The following KIR2DL1 variants were observed in gnomAD, a reference collection of about 807,000 sequenced individuals.
KIR2DL1 encodes the protein killer cell immunoglobulin like receptor, two Ig domains and long cytoplasmic tail 1.
A neutral mutation model predicts 33.9 loss-of-function variants in KIR2DL1; 38 were observed. The ratio of observed to expected loss-of-function variants is 1.12; its 90% CI spans 0.86 to 1.47. The LOEUF (loss-of-function observed/expected upper bound fraction) is 1.47. Ranked by LOEUF, KIR2DL1 falls within the 40% of genes most tolerant of loss-of-function variation. KIR2DL1 has a pLI of 0.00. For synonymous variants in KIR2DL1, 179 were observed against 165.9 expected, an observed-to-expected ratio of 1.08 and a Z score of -0.61; for missense variants, 531 against 433.9, an observed-to-expected ratio of 1.22 and a Z score of -1.99.
chr19:54,783,597 T>C lies in KIR2DL1; in HGVS notation c.871-40T>C, dbSNP rs202076408. On this transcript the variant is annotated intron_variant, in intron 7 of 7. Coordinates refer to ENST00000336077, the MANE Select transcript of KIR2DL1 (RefSeq NM_014218.3). The stretch of plus-strand genomic sequence containing the variant: ...GTTATTCCCAAAGAGTCCTGGAAAA[T>C]GTGAGCACCCTCCCTCACTCAGCAT... 4.2e-5 allele frequency: 67 copies of C among 1,613,600 alleles called. No individual in the cohort carries two copies. In the South Asian group the frequency reaches 4.3e-4, roughly 10 times the overall value.
chr19:54,778,955 T>C (rs2076663021), intron 5 of KIR2DL1, among the ~76,000 whole-genome samples: 4 of 146,770 alleles, frequency 2.7e-5, no homozygotes, highest in Admixed American at 1.4e-4. Flanking sequence ...CATTCCTAAC[T>C]GGAGGATAAA....
chr19:54,776,611 T>C (rs2076371565), intron 4 of KIR2DL1, among the ~76,000 whole-genome samples: 2 of 143,866 alleles, frequency 1.4e-5, no homozygotes, highest in East Asian at 2.0e-4. Context: ...AGTAGTGAAA[T>C]TGCTGGATAC....
rs548865454 is a variant in KIR2DL1, at chr19:54,772,470, G to T, written c.71-863G>T. On this transcript the variant is annotated intron_variant, in intron 2 of 7. Coordinates refer to ENST00000336077, the MANE Select transcript of KIR2DL1 (RefSeq NM_014218.3). ...AGGGGTTAGTGTGCTCTCTCCTGGT[G>T]CCATGCTTCTGATAATTTTCTACAG... 1.2e-3 allele frequency among the ~76,000 whole-genome samples: 172 copies of T among 145,586 alleles called. 15 individuals carry two copies. The highest frequency in any genetic ancestry group is 2.2e-3 in the Non-Finnish European group (141 of 65,394).
chr19:54,770,860 C>G lies in KIR2DL1; in HGVS notation c.46C>G (p.Leu16Val), dbSNP rs1429451113. 1 of 1,584,580 alleles carries G rather than the reference C, an allele frequency of 6.3e-7. No homozygotes were observed. The highest frequency in any genetic ancestry group is 1.1e-5 in the South Asian group (1 of 90,188). Residue 16 changes from leucine (L) to valine (V), a missense_variant, in exon 2 of 8, where the codon CTG (leucine) becomes GTG (valine). Transcript: ENST00000336077. Reference sequence around the variant, plus strand: ...ATCTTTCTTTCCAGGGTTCTTCTTGCTGCAGGGGGCCTGGCCACATGAGGG... The same window carrying G: ...ATCTTTCTTTCCAGGGTTCTTCTTGGTGCAGGGGGCCTGGCCACATGAGGG... ...VSMACVGFFL[L>V]QGAWPHEGVH...
chr19:54,774,018 C>A lies in KIR2DL1; in HGVS notation c.370+386C>A, dbSNP rs1270385782. ...GGAGAACCCAAGGACACCCATATTT[C>A]TGACCTGAGTTGGGCCCTGTGGCCT... On this transcript the variant is annotated intron_variant, in intron 3 of 7. Transcript: ENST00000336077. 6.4e-4 allele frequency among the ~76,000 whole-genome samples: 95 copies of A among 148,434 alleles called. 3 individuals carry two copies. The highest frequency in any genetic ancestry group is 1.2e-3 in the East Asian group (6 of 5,140).
rs1165701211 is a variant in KIR2DL1 at position 54,779,202 on chromosome 19, A to G, written c.715+540A>G. Among the ~76,000 whole-genome samples, 8 of 147,566 alleles carry G rather than the reference A, an allele frequency of 5.4e-5. No individual in the cohort carries two copies. The East Asian group carries it at 1.6e-3, about 29-fold the overall frequency. On this transcript the variant is annotated intron_variant, in intron 5 of 7. Transcript: ENST00000336077. Reference sequence around the variant, plus strand: ...GCTGTGCAGTGTGGAACCTTTTCCTATTGTTGCCATAACAAATTTCCACAA... The same window carrying G: ...GCTGTGCAGTGTGGAACCTTTTCCTGTTGTTGCCATAACAAATTTCCACAA...
rs1191339750 is a variant in KIR2DL1, at chr19:54,774,868, G to A, written c.371-297G>A. On this transcript the variant is annotated intron_variant, in intron 3 of 7. Transcript: ENST00000336077. ...CAGAAAGTTATGAACAGGACACAAA[G>A]TGAGAAACTCAGAATTAAAAAAAGT... Among the ~76,000 whole-genome samples, 3 of 148,530 alleles carry A rather than the reference G, an allele frequency of 2.0e-5. No individual in the cohort carries two copies. In the East Asian group the frequency reaches 5.8e-4, roughly 29 times the overall value.
intron 2 of KIR2DL1, among the ~76,000 whole-genome samples, chr19:54,772,322 G>A (rs1434959541): frequency 6.8e-6 from 1 of 147,554 alleles, no homozygotes; most frequent in Non-Finnish European, 1.5e-5. Context: ...AATGCAGGTG[G>A]CCTATAGAGG....
chr19:54,771,206 T>A (rs1388803187), intron 2 of KIR2DL1, among the ~76,000 whole-genome samples: 2 of 148,558 alleles, frequency 1.3e-5, no homozygotes, highest in East Asian at 3.9e-4. Flanking sequence ...GTGTGGCTGC[T>A]GTCATTCTAC....
chr19:54,783,562 C>A, intron 7 of KIR2DL1, 24 bp downstream of exon 7: 1 of 1,613,896 alleles, frequency 6.2e-7, no homozygotes, highest in Non-Finnish European at 8.5e-7. Context: ...GGCCCGGGCT[C>A]GTGGCTACTG....
intron 6 of KIR2DL1, 80 bp from the exon 7 acceptor site, chr19:54,783,406 C>A: frequency 6.6e-7 from 1 of 1,517,592 alleles, no homozygotes; most frequent in Non-Finnish European, 9.1e-7. Flanking sequence ...ATGGTCTCCC[C>A]CTGTATGTTG....
chr19:54,777,210 C>A (rs1425110777), intron 4 of KIR2DL1, among the ~76,000 whole-genome samples: 2 of 149,802 alleles, frequency 1.3e-5, no homozygotes, highest in African/African-American at 4.9e-5. Context: ...CCTGCCTCAG[C>A]CTCCCGAGTA....
chr19:54,771,470 G>A (rs1301635641), intron 2 of KIR2DL1, among the ~76,000 whole-genome samples: 2 of 147,622 alleles, frequency 1.4e-5, no homozygotes, highest in Admixed American at 6.9e-5. Context: ...GTGTTTGCGG[G>A]ATGGGTCCTT....
intron 1 of KIR2DL1, among the ~76,000 whole-genome samples, 159 bp downstream of exon 1, chr19:54,770,043 G>A (rs1276882047): frequency 4.8e-5 from 7 of 145,764 alleles, no homozygotes; most frequent in African/African-American, 1.5e-4. Flanking sequence ...GCCTAGAAGT[G>A]GAGATCTGGG....
At position 54,782,981 on chromosome 19, in the gene KIR2DL1, C is replaced by A. The variant is rs750185242; in HGVS notation, c.775C>A (p.Leu259Ile). The A allele has an allele frequency of 6.2e-7, 1 of 1,613,668 alleles. No homozygotes were observed. ...GTSVVIILFI[L>I]LFFLLHRWCS... is the part of the protein sequence containing the mutation. ...CTCAGTGGTCATCATCCTCTTCATC[C>A]TCCTCTTCTTTCTCCTTCATCGCTG... Residue 259 changes from leucine to isoleucine, a missense_variant, in exon 6 of 8, where the codon CTC (leucine) becomes ATC (isoleucine). Coordinates refer to ENST00000336077, the MANE Select transcript of KIR2DL1 (RefSeq NM_014218.3).
chr19:54,781,290 A>G (rs2076902985), intron 5 of KIR2DL1, among the ~76,000 whole-genome samples: 2 of 147,884 alleles, frequency 1.4e-5, no homozygotes, highest in African/African-American at 4.9e-5. Context: ...TTGATCCTTT[A>G]TCTTATCCAT....
At chr19:54,774,686 G>C (rs1236511026) in intron 3 of KIR2DL1, among the ~76,000 whole-genome samples, 3 of 148,028 alleles carry the variant, frequency 2.0e-5, no homozygotes, top group African/African-American at 7.4e-5. Context: ...TAGAGAGAGA[G>C]AGATGATACA....
At chr19:54,783,612 T>C in intron 7 of KIR2DL1, 25 bp from the exon 8 acceptor site, 1 of 1,613,952 alleles carries the variant, frequency 6.2e-7, no homozygotes, top group Non-Finnish European at 8.5e-7. Flanking sequence ...GCACCCTCCC[T>C]CACTCAGCAT....
intron 2 of KIR2DL1, among the ~76,000 whole-genome samples, chr19:54,772,001 G>T (rs374892840): frequency 1.3e-4 from 19 of 147,922 alleles, no homozygotes; most frequent in African/African-American, 4.4e-4. Context: ...ACTGTATTTG[G>T]GGTAAAGGGG....
Sources: allele counts gnomAD v4.1 joint callset (sites outside exome capture counted in the v4.1 genomes callset), GRCh38; gene constraint gnomAD v4.1.1; transcripts MANE v1.5; gene names NCBI Gene and HGNC (gene_info 2026-07-23, HGNC 2026-07-21).